Variants in PAIP1 observed in about 807,000 individuals in gnomAD.
The protein encoded by PAIP1 is polyadenylate-binding protein-interacting protein 1.
PAIP1 carries 16 observed loss-of-function variants against 61.3 expected under a neutral mutation model. The ratio of observed to expected loss-of-function variants is 0.26; its 90% confidence interval spans 0.18 to 0.40. PAIP1 has a LOEUF of 0.40. Ranked by LOEUF, PAIP1 falls within the 10% of genes least tolerant of loss-of-function variation. The pLI is 1.00. For synonymous variants in PAIP1, 187 were observed against 226.2 expected (o/e 0.83, Z 1.56); for missense variants, 416 against 600.9 (o/e 0.69, Z 3.22).
chr5:43,541,136 A>AT (rs1356972510), intron 4 of PAIP1, among the ~76,000 whole-genome samples: 1 of 142,728 alleles, frequency 7.0e-6, no homozygotes, highest in East Asian at 2.1e-4. Context: ...CATTATTATT[A>AT]TTATTTTTGA....
chr5:43,540,800 T>C (rs570119542), intron 4 of PAIP1, among the ~76,000 whole-genome samples: 1 of 152,300 alleles, frequency 6.6e-6, no homozygotes, highest in South Asian at 2.1e-4. Context: ...ATCATAGCTA[T>C]ACAGTAGAAT....
chr5:43,552,704 G>A (rs1378321151), intron 2 of PAIP1, among the ~76,000 whole-genome samples: 1 of 152,052 alleles, frequency 6.6e-6, no homozygotes, highest in African/African-American at 2.4e-5. Flanking sequence ...TATACTCAGA[G>A]AGAAAAAAGA....
intron 4 of PAIP1, 76 bp from the exon 5 acceptor site, chr5:43,539,111 G>T: frequency 6.2e-6 from 6 of 961,138 alleles, no homozygotes; most frequent in Non-Finnish European, 1.0e-5. Flanking sequence ...CCATTTGTCA[G>T]TTTGGTTGTC....
intron 1 of PAIP1, 102 bp downstream of exon 1, chr5:43,556,480 G>C (rs1386498280): frequency 8.3e-7 from 1 of 1,199,074 alleles, no homozygotes; most frequent in Admixed American, 4.2e-5. Context: ...TCGGGGAACC[G>C]GGGGTGGGGA....
At chr5:43,549,420 C>T (rs534925839) in intron 2 of PAIP1, among the ~76,000 whole-genome samples, 2 of 152,212 alleles carry the variant, frequency 1.3e-5, no homozygotes, top group East Asian at 1.9e-4. Context: ...CCAGTCTTTC[C>T]GGTGCTATTC....
chr5:43,536,290 A>G (rs1162055708), intron 6 of PAIP1, among the ~76,000 whole-genome samples: 1 of 152,212 alleles, frequency 6.6e-6, no homozygotes, highest in Non-Finnish European at 1.5e-5. Flanking sequence ...TTAACCTACA[A>G]AAGTATCTGC....
chr5:43,548,690 C>T (rs1344760541), intron 2 of PAIP1, among the ~76,000 whole-genome samples: 2 of 152,176 alleles, frequency 1.3e-5, no homozygotes, highest in Non-Finnish European at 2.9e-5. Flanking sequence ...ACTTTCACAT[C>T]TCAATGCCTG....
Position 43,533,780 on chromosome 5 carries a change from A to G in PAIP1, c.1210T>C (p.Phe404Leu). 1 of 1,575,108 alleles carries G rather than the reference A, an allele frequency of 6.3e-7. No homozygotes were observed. The highest frequency in any genetic ancestry group is 8.7e-7 in the Non-Finnish European group (1 of 1,144,398). The change falls in exon 9 of 11, where the codon TTT becomes CTT. Residue 404 changes from phenylalanine (F) to leucine (L), a missense_variant. Coordinates refer to ENST00000306846, the MANE Select transcript of PAIP1 (RefSeq NM_006451.5). ...DPNYFMNEPT[F>L]YTSDGVPFTA... ...AAAGGAACACCATCAGATGTATAAA[A>G]TGTTGGTTCATTCTAGGATGAATCA... is the stretch of plus-strand genomic sequence containing the variant.
intron 10 of PAIP1, among the ~76,000 whole-genome samples, chr5:43,528,909 A>G (rs1368748638): frequency 6.6e-6 from 1 of 152,168 alleles, no homozygotes; most frequent in Non-Finnish European, 1.5e-5. Context: ...TCTGATGGTA[A>G]GTGAGTAATA....
At position 43,527,144 on chromosome 5, in the gene PAIP1, CAGT is replaced by C. The variant is rs930839833; in HGVS notation, c.*229_*231del. The C allele has an allele frequency of 7.1e-6, 2 of 281,608 alleles. No individual in the cohort carries two copies. Among genetic ancestry groups the C allele is most frequent in the African/African-American group, 4.4e-5 (2 of 45,848 alleles). The allele number at this position is 281,608 out of a possible 1,614,324, so 17.4% of individuals were successfully genotyped here. ...AAAATCGATTTTATTGCAGCCAAAACAGTAGAATTAACTGTACATAATAAACTA... is the reference window on the plus strand; with the variant it reads ...AAAATCGATTTTATTGCAGCCAAAACAGAATTAACTGTACATAATAAACTA... On this transcript the variant is annotated 3_prime_UTR_variant, in exon 11 of 11. Coordinates refer to ENST00000306846, the MANE Select transcript of PAIP1 (RefSeq NM_006451.5).
At chr5:43,535,444 C>T (rs1747106515) in intron 7 of PAIP1, 90 bp downstream of exon 7, 1 of 743,044 alleles carries the variant, frequency 1.3e-6, no homozygotes, top group African/African-American at 1.7e-5. Context: ...TCAACTTACC[C>T]TGCTGAAGTA....
At chr5:43,556,343 C>T (rs900642951) in intron 1 of PAIP1, 2 of 1,235,296 alleles carry the variant, frequency 1.6e-6, no homozygotes, top group African/African-American at 3.1e-5. Flanking sequence ...CCCGGGACCC[C>T]GAACTCCGAG....
At chr5:43,551,542 C>T (rs972627637) in intron 2 of PAIP1, among the ~76,000 whole-genome samples, 20 of 152,060 alleles carry the variant, frequency 1.3e-4, no homozygotes, top group African/African-American at 3.6e-4. Flanking sequence ...TACATACATG[C>T]GTGAATTTTA....
At chr5:43,555,246 C>T (rs1170095751) in intron 2 of PAIP1, among the ~76,000 whole-genome samples, 1 of 152,178 alleles carries the variant, frequency 6.6e-6, no homozygotes, top group Non-Finnish European at 1.5e-5. Context: ...CTCTGCTATA[C>T]TTCAATAAAA....
chr5:43,551,950 T>A (rs1212514473), intron 2 of PAIP1, among the ~76,000 whole-genome samples: 1 of 152,204 alleles, frequency 6.6e-6, no homozygotes, highest in African/African-American at 2.4e-5. Flanking sequence ...ATTACTTCTC[T>A]AGCACCAGAT....
chr5:43,551,543 G>A lies in PAIP1; in HGVS notation c.436-3630C>T, dbSNP rs1025552990. Among the ~76,000 whole-genome samples the A allele has an allele frequency of 7.2e-5, 11 of 152,228 alleles. No individual in the cohort carries two copies. In the East Asian group the frequency reaches 2.1e-3, roughly 29 times the overall value. ...TACTTAATGTTAACTACATACATGC[G>A]TGAATTTTATAACTAAAAACTAGTC... is the stretch of plus-strand genomic sequence containing the variant. On this transcript the variant is annotated intron_variant, in intron 2 of 10. Coordinates refer to ENST00000306846, the MANE Select transcript of PAIP1 (RefSeq NM_006451.5).
chr5:43,551,612 A>T (rs1171393950), intron 2 of PAIP1, among the ~76,000 whole-genome samples: 1 of 152,210 alleles, frequency 6.6e-6, no homozygotes, highest in Non-Finnish European at 1.5e-5. Context: ...GACTTGTAGT[A>T]TCCTACCACT....
At chr5:43,527,616 G>T in intron 10 of PAIP1, 147 bp from the exon 11 acceptor site, 1 of 610,942 alleles carries the variant, frequency 1.6e-6, no homozygotes, top group Non-Finnish European at 2.6e-6. Flanking sequence ...ATTAATGGCA[G>T]TCTTCGGACA....
At chr5:43,542,599 A>T (rs1747459413) in intron 4 of PAIP1, among the ~76,000 whole-genome samples, 1 of 152,168 alleles carries the variant, frequency 6.6e-6, no homozygotes, top group South Asian at 2.1e-4. Flanking sequence ...AAAGGAACAG[A>T]ATAAGTGATA....
Sources: gnomAD v4.1 joint callset for allele counts (sites outside exome capture counted in the v4.1 genomes callset) on GRCh38, gnomAD v4.1.1 for gene constraint, MANE v1.5 for transcripts, NCBI Gene and HGNC (gene_info 2026-07-23, HGNC 2026-07-21) for gene names.